The following GSTCD variants were observed in gnomAD, a reference collection of about 807,000 sequenced individuals.
The protein encoded by GSTCD is glutathione S-transferase C-terminal domain-containing protein.
GSTCD carries 44 observed loss-of-function variants against 68.3 expected under a neutral mutation model. The ratio of observed to expected loss-of-function variants is 0.64; its 90% CI spans 0.51 to 0.83. The LOEUF (loss-of-function observed/expected upper bound fraction) is 0.83, where lower values mean the gene tolerates loss of function less well. Among genes scored for constraint, GSTCD ranks in the 40% least tolerant of loss-of-function variants. The pLI, the probability that GSTCD is intolerant of heterozygous loss-of-function variation, is 0.00. For synonymous variants in GSTCD, 273 were observed against 255.2 expected, an observed-to-expected ratio of 1.07 and a Z score of -0.67; for missense variants, 739 against 735.9, an observed-to-expected ratio of 1.00 and a Z score of -0.05.
intron 5 of GSTCD, among the ~76,000 whole-genome samples, chr4:105,759,722 G>A (rs1462596456): frequency 6.6e-6 from 1 of 151,908 alleles, no homozygotes; most frequent in African/African-American, 2.4e-5. Flanking sequence ...CATCAAAGGA[G>A]GAAAATAATT....
intron 5 of GSTCD, among the ~76,000 whole-genome samples, chr4:105,730,822 C>G (rs550091566): frequency 1.3e-5 from 2 of 152,272 alleles, no homozygotes; most frequent in Non-Finnish European, 2.9e-5. Flanking sequence ...TTGCCCATGC[C>G]TATGTCCTGA....
chr4:105,756,544 G>A (rs1052274051), intron 5 of GSTCD, among the ~76,000 whole-genome samples: 5 of 138,126 alleles, frequency 3.6e-5, no homozygotes, highest in East Asian at 2.2e-4. Flanking sequence ...ACATATATAC[G>A]CATACATATA....
At chr4:105,711,152 T>C (rs2149200412) in intron 1 of GSTCD, 1 of 152,346 alleles carries the variant, frequency 6.6e-6, no homozygotes, top group South Asian at 2.1e-4. Context: ...CAAATACTGT[T>C]GTTTTATGAA....
Position 105,752,486 on chromosome 4 carries a change from T to A in GSTCD, c.1240+22987T>A, listed in dbSNP as rs150062481. On this transcript the variant is annotated intron_variant, in intron 5 of 11. Transcript: ENST00000515279. ...AGAAGTATTGCTTTTTAAAACAAAATGCAATTATTTGATGCGAGGAAACAT... is the reference window on the plus strand; with the variant it reads ...AGAAGTATTGCTTTTTAAAACAAAAAGCAATTATTTGATGCGAGGAAACAT... Among the ~76,000 whole-genome samples, 369 of 152,242 alleles carry A rather than the reference T, an allele frequency of 2.4e-3. 2 individuals are homozygous for A. Among genetic ancestry groups the A allele is most frequent in the African/African-American group, 8.6e-3 (358 of 41,576 alleles).
chr4:105,823,812 A>G (rs1268332276), intron 7 of GSTCD: 1 of 152,224 alleles, frequency 6.6e-6, no homozygotes, highest in African/African-American at 2.4e-5. Flanking sequence ...TGCAAACACA[A>G]TGTATCCCTT....
intron 1 of GSTCD, among the ~76,000 whole-genome samples, chr4:105,716,178 A>G (rs549053358): frequency 2.0e-5 from 3 of 152,370 alleles, no homozygotes; most frequent in Admixed American, 2.0e-4. Flanking sequence ...AAATAATAAC[A>G]TATAGTATAT....
chr4:105,739,572 G>T (rs905725957), intron 5 of GSTCD, among the ~76,000 whole-genome samples: 4 of 152,184 alleles, frequency 2.6e-5, no homozygotes, highest in Admixed American at 2.6e-4. Flanking sequence ...GTAGGACACT[G>T]CTTCAATAGG....
At chr4:105,842,733 C>T (rs1035091586) in intron 11 of GSTCD, among the ~76,000 whole-genome samples, 7 of 152,152 alleles carry the variant, frequency 4.6e-5, no homozygotes, top group Non-Finnish European at 8.8e-5. Flanking sequence ...GCTAAATGCT[C>T]TTGACTGTTA....
chr4:105,719,203 T>C lies in GSTCD; in HGVS notation c.570T>C (p.His190=), dbSNP rs1247182584. 6.2e-7 allele frequency: 1 copy of C among 1,613,906 alleles called. No individual in the cohort carries two copies. Among genetic ancestry groups the C allele is most frequent in the Admixed American group, 1.7e-5 (1 of 59,960 alleles). ...EKKLSEPVRV[H]NDDKLRRQKL... ...AGCTTAGTGAGCCTGTTAGAGTGCA[T>C]AATGATGATAAACTCCGCAGGCAGA... is the stretch of plus-strand genomic sequence containing the variant. The change falls in exon 3 of 12, where the codon CAT becomes CAC. Residue 190 remains histidine (H), a synonymous_variant. Transcript: ENST00000515279.
intron 5 of GSTCD, among the ~76,000 whole-genome samples, chr4:105,786,308 C>T (rs1453585416): frequency 6.6e-6 from 1 of 151,882 alleles, no homozygotes; most frequent in African/African-American, 2.4e-5. Flanking sequence ...GACAGGAGTT[C>T]GAGACAACCT....
Position 105,847,212 on chromosome 4 carries a change from C to A in GSTCD, c.*1635C>A, listed in dbSNP as rs1724581626. 1 of 151,890 alleles carries A rather than the reference C, an allele frequency of 6.6e-6. No homozygotes were observed. Among genetic ancestry groups the A allele is most frequent in the South Asian group, 2.1e-4 (1 of 4,810 alleles). The allele number at this position is 151,890 out of a possible 1,614,324, so 9.4% of individuals were successfully genotyped here. A position where few individuals can be genotyped will look rare whatever the true frequency, so the allele number is the denominator to read the frequency against. On this transcript the variant is annotated 3_prime_UTR_variant, in exon 12 of 12. Transcript: ENST00000515279. ...TTGAGATTTATTTTAATGTTTTCAA[C>A]CCCTGTGTAACATGTATCATGAGGA...
chr4:105,770,372 CT>C (rs898627416), intron 5 of GSTCD, among the ~76,000 whole-genome samples: 28 of 140,452 alleles, frequency 2.0e-4, no homozygotes, highest in Admixed American at 4.3e-4. Flanking sequence ...TTTTTTTTTC[CT>C]TTTTTTTTTA....
chr4:105,786,310 A>G (rs1735462700), intron 5 of GSTCD, among the ~76,000 whole-genome samples: 1 of 152,038 alleles, frequency 6.6e-6, no homozygotes, highest in Non-Finnish European at 1.5e-5. Flanking sequence ...CAGGAGTTCG[A>G]GACAACCTTG....
At chr4:105,774,465 G>A (rs535561815) in intron 5 of GSTCD, among the ~76,000 whole-genome samples, 66 of 152,240 alleles carry the variant, frequency 4.3e-4, no homozygotes, top group Admixed American at 2.2e-3. Context: ...TCACAATTTC[G>A]TATGTTTTTG....
chr4:105,729,342 C>T, intron 4 of GSTCD, 64 bp from the exon 5 acceptor site: 1 of 974,154 alleles, frequency 1.0e-6, no homozygotes. Context: ...ATTTTTTAGC[C>T]TTCAATAATA....
At chr4:105,728,489 A>G (rs1428550811) in intron 4 of GSTCD, among the ~76,000 whole-genome samples, 2 of 152,140 alleles carry the variant, frequency 1.3e-5, no homozygotes, top group African/African-American at 4.8e-5. Flanking sequence ...ATCAATAGCC[A>G]TATCTCTAGC....
chr4:105,766,995 A>T (rs1454046127), intron 5 of GSTCD, among the ~76,000 whole-genome samples: 1 of 144,832 alleles, frequency 6.9e-6, no homozygotes, highest in African/African-American at 2.5e-5. Flanking sequence ...GGACAATTGA[A>T]TTGCCAGAGT....
intron 5 of GSTCD, among the ~76,000 whole-genome samples, chr4:105,815,504 A>G (rs939673090): frequency 3.3e-5 from 5 of 151,810 alleles, no homozygotes; most frequent in Admixed American, 2.6e-4. Context: ...AAAATAAAAT[A>G]TATGACAAAA....
At chr4:105,803,307 A>C (rs72673824) in intron 5 of GSTCD, among the ~76,000 whole-genome samples, 2 of 152,102 alleles carry the variant, frequency 1.3e-5, no homozygotes, top group South Asian at 4.1e-4. Context: ...TGAATGTAGA[A>C]AATGTTAAAA....
Sources: allele counts gnomAD v4.1 joint callset (sites outside exome capture counted in the v4.1 genomes callset), GRCh38; gene constraint gnomAD v4.1.1; transcripts MANE v1.5; gene names NCBI Gene and HGNC (gene_info 2026-07-23, HGNC 2026-07-21).